The following NEK1 variants were observed in gnomAD, a reference collection of about 807,000 sequenced individuals.
NEK1 encodes the protein serine/threonine-protein kinase Nek1.
In NEK1, 137 loss-of-function variants were observed where a neutral mutation model predicts 182.1. The observed-to-expected ratio is 0.75, with a 90% CI of 0.65 to 0.87. The LOEUF (loss-of-function observed/expected upper bound fraction) is 0.87. Among genes scored for constraint, NEK1 ranks in the 40% least tolerant of loss-of-function variants. The pLI, the probability that NEK1 is intolerant of heterozygous loss-of-function variation, is 0.00. For missense variants in NEK1, 1,391 were observed against 1,494.4 expected, an observed-to-expected ratio of 0.93 and a Z score of 1.14; for synonymous variants, 513 against 492.2, an observed-to-expected ratio of 1.04 and a Z score of -0.56.
intron 18 of NEK1, 131 bp downstream of exon 18, chr4:169,555,589 T>C (rs1327787894): frequency 8.3e-7 from 1 of 1,203,664 alleles, no homozygotes; most frequent in African/African-American, 1.5e-5. Flanking sequence ...AGAAAATTAT[T>C]GTACCCAAGA....
intron 35 of NEK1, among the ~76,000 whole-genome samples, chr4:169,395,154 T>A (rs1730473579): frequency 6.6e-6 from 1 of 152,288 alleles, no homozygotes; most frequent in South Asian, 2.1e-4. Context: ...AACAGACTGG[T>A]TAACTTAATC....
chr4:169,438,638 T>C (rs1738862010), intron 27 of NEK1, among the ~76,000 whole-genome samples: 1 of 152,194 alleles, frequency 6.6e-6, no homozygotes, highest in Non-Finnish European at 1.5e-5. Flanking sequence ...CAGAACATCC[T>C]GAGACAGGTT....
intron 33 of NEK1, 77 bp downstream of exon 33, chr4:169,401,575 A>G: frequency 7.8e-7 from 1 of 1,288,304 alleles, no homozygotes; most frequent in Non-Finnish European, 1.1e-6. Flanking sequence ...GGTTCACAGC[A>G]GAGATTAGAA....
chr4:169,549,246 T>C (rs549665547), intron 18 of NEK1, among the ~76,000 whole-genome samples: 2 of 152,134 alleles, frequency 1.3e-5, no homozygotes, highest in African/African-American at 4.8e-5. Context: ...CTGGGTGAGG[T>C]GACACCCCAC....
At chr4:169,588,501 CT>C (rs1767891178) in intron 8 of NEK1, 147 bp downstream of exon 8, 1 of 446,398 alleles carries the variant, frequency 2.2e-6, no homozygotes, top group African/African-American at 2.0e-5. Flanking sequence ...TACAATTCCC[CT>C]CACCATATAT....
chr4:169,456,999 C>T (rs1743007761), intron 27 of NEK1, among the ~76,000 whole-genome samples: 1 of 151,860 alleles, frequency 6.6e-6, no homozygotes, highest in African/African-American at 2.4e-5. Context: ...TGGGAGTTAA[C>T]AATTAAAATA....
intron 18 of NEK1, among the ~76,000 whole-genome samples, chr4:169,542,939 C>T (rs1176722415): frequency 6.6e-6 from 1 of 152,022 alleles, no homozygotes; most frequent in Non-Finnish European, 1.5e-5. Flanking sequence ...CTGTAGGTTG[C>T]CTGTTCACTC....
rs1213415208 is a variant in NEK1 at position 169,585,510 on chromosome 4, T to C, written c.646A>G (p.Ile216Val). 1 of 1,613,456 alleles carries C rather than the reference T, an allele frequency of 6.2e-7. No homozygotes were observed. Among genetic ancestry groups the C allele is most frequent in the Non-Finnish European group, 8.5e-7 (1 of 1,179,580 alleles). ...GACACAGGTGGAAAAGATCCAGATA[T>C]TATCTTCAGTACCAGGTTTTTCATA... ...GSMKNLVLKI[I>V]SGSFPPVSLH... Residue 216 changes from isoleucine to valine, a missense_variant, in exon 10 of 36, where the codon ATA becomes GTA. Ile to Val is a conservative substitution (Grantham distance 29). Around this residue, in one of 5 missense-constraint regions of NEK1, gnomAD observed 1,216 missense variants for 1,277.6 expected, o/e 0.95. Coordinates refer to ENST00000507142, the MANE Select transcript of NEK1 (RefSeq NM_001199397.3).
chr4:169,585,661 T>A (rs1164492636), intron 9 of NEK1, 112 bp from the exon 10 acceptor site: 1 of 609,598 alleles, frequency 1.6e-6, no homozygotes, highest in Non-Finnish European at 2.7e-6. Context: ...AACACAATCC[T>A]CTTCCAAATA....
At position 169,463,506 on chromosome 4, in the gene NEK1, G is replaced by A. The variant is rs1372955670; in HGVS notation, c.2435-111C>T. On this transcript the variant is annotated intron_variant, in intron 26 of 35. Transcript: ENST00000507142. ...ATTGAGTGGTTCATGAGAAAAAAAG[G>A]TTATATCACAAAGACTTTCAGGGAA... The A allele has an allele frequency of 6.5e-6, 4 of 610,994 alleles. No homozygotes were observed. The African/African-American group carries it at 7.6e-5, about 12-fold the overall frequency. 37.8% of individuals were successfully genotyped at this position (610,994 alleles called of 1,614,324 possible).
Position 169,424,611 on chromosome 4 carries a change from T to C in NEK1, c.3164A>G (p.Asn1055Ser). ...AAGTCCAATCAGCAAGGAATTCTTG[T>C]TTTTATTTTTTGGTGGTAAATGCGA... is the stretch of plus-strand genomic sequence containing the variant. Reference protein sequence around the residue: ...SHSHLPPKNKNKNSLLIGLST... With the variant: ...SHSHLPPKNKSKNSLLIGLST... The change falls in exon 31 of 36, where the codon AAC (asparagine) becomes AGC (serine). Residue 1055 changes from asparagine to serine, a missense_variant. Physicochemically the swap from Asn to Ser is conservative, Grantham distance 46 (BLOSUM62 1). Around this residue, in one of 5 missense-constraint regions of NEK1, gnomAD observed 1,216 missense variants for 1,277.6 expected, o/e 0.95. Coordinates refer to ENST00000507142, the MANE Select transcript of NEK1 (RefSeq NM_001199397.3). The C allele has an allele frequency of 6.2e-7, 1 of 1,612,862 alleles. No individual in the cohort carries two copies. The highest frequency in any genetic ancestry group is 8.5e-7 in the Non-Finnish European group (1 of 1,179,032).
intron 23 of NEK1, among the ~76,000 whole-genome samples, chr4:169,505,300 G>A (rs554099975): frequency 5.3e-5 from 8 of 151,028 alleles, no homozygotes; most frequent in East Asian, 3.9e-4. Context: ...TCTGCCACCC[G>A]AGACAGCAAG....
intron 8 of NEK1, 48 bp downstream of exon 8, chr4:169,588,601 A>C: frequency 8.4e-7 from 1 of 1,192,114 alleles, no homozygotes; most frequent in Non-Finnish European, 1.2e-6. Context: ...CATGACAACA[A>C]AAAAATTGAA....
intron 32 of NEK1, among the ~76,000 whole-genome samples, chr4:169,405,346 A>T (rs374032135): frequency 9.3e-4 from 141 of 152,338 alleles, no homozygotes; most frequent in African/African-American, 3.1e-3. Context: ...ATATCTAAAC[A>T]TAGAAAAGGT....
chr4:169,408,045 A>G (rs1212250945), intron 31 of NEK1, among the ~76,000 whole-genome samples: 1 of 152,196 alleles, frequency 6.6e-6, no homozygotes, highest in Non-Finnish European at 1.5e-5. Flanking sequence ...TATTATTTTA[A>G]TGGTTTGGAC....
At chr4:169,576,737 T>A in intron 12 of NEK1, 191 bp downstream of exon 12, 1 of 477,554 alleles carries the variant, frequency 2.1e-6, no homozygotes, top group East Asian at 3.9e-5. Context: ...ACTTAATATA[T>A]TTACTTAATG....
At chr4:169,502,523 T>C (rs1752580203) in intron 23 of NEK1, among the ~76,000 whole-genome samples, 1 of 151,928 alleles carries the variant, frequency 6.6e-6, no homozygotes, top group African/African-American at 2.4e-5. Context: ...CACATTAAAA[T>C]GAAAATTTGT....
At chr4:169,422,071 G>A (rs756460313) in intron 31 of NEK1, among the ~76,000 whole-genome samples, 198 of 152,302 alleles carry the variant, frequency 1.3e-3, no homozygotes, top group Non-Finnish European at 2.3e-3. Flanking sequence ...GAATTTAAAA[G>A]TACAGCATAT....
At chr4:169,406,817 G>C in intron 31 of NEK1, 70 bp from the exon 32 acceptor site, 2 of 1,309,090 alleles carry the variant, frequency 1.5e-6, no homozygotes, top group Non-Finnish European at 2.1e-6. Flanking sequence ...GAGAAAACTA[G>C]AACTAATCAC....
Sources: gnomAD v4.1 joint callset for allele counts (sites outside exome capture counted in the v4.1 genomes callset) on GRCh38, gnomAD v4.1.1 for gene constraint, gnomAD v4.1.1 regional missense constraint, MANE v1.5 for transcripts, NCBI Gene and HGNC (gene_info 2026-07-23, HGNC 2026-07-21) for gene names.